The following LRP2 variants were observed in gnomAD, a reference collection of about 807,000 sequenced individuals.
The protein encoded by LRP2 is low-density lipoprotein receptor-related protein 2.
A neutral mutation model predicts 531.0 loss-of-function variants in LRP2; 172 were observed. That is an observed-to-expected ratio of 0.32 (90% CI 0.29 to 0.37). LRP2 has a LOEUF of 0.37. LRP2 is among the 10% of genes least tolerant of loss of function. The pLI is 1.00. For synonymous variants in LRP2, 1,992 were observed against 2,027.6 expected (o/e 0.98, Z 0.47); for missense variants, 5,167 against 5,868.3 (o/e 0.88, Z 3.90).
At chr2:169,203,191 A>C (rs1359063875) in intron 42 of LRP2, among the ~76,000 whole-genome samples, 1 of 152,244 alleles carries the variant, frequency 6.6e-6, no homozygotes, top group African/African-American at 2.4e-5. Context: ...GGAAATATCA[A>C]CGACTCTTCT....
At chr2:169,225,512 C>T in intron 32 of LRP2, 59 bp from the exon 33 acceptor site, 5 of 1,595,106 alleles carry the variant, frequency 3.1e-6, no homozygotes, top group African/African-American at 2.7e-5. Flanking sequence ...TACAAAAGAA[C>T]CCTTTCTTCA....
chr2:169,335,944 G>A (rs1389130454), intron 1 of LRP2, among the ~76,000 whole-genome samples: 2 of 151,624 alleles, frequency 1.3e-5, no homozygotes, highest in African/African-American at 4.8e-5. Context: ...GAACCCAGGA[G>A]GCAGAAGTTG....
chr2:169,222,301 T>C (rs1689047979), intron 33 of LRP2, among the ~76,000 whole-genome samples: 1 of 152,198 alleles, frequency 6.6e-6, no homozygotes, highest in South Asian at 2.1e-4. Flanking sequence ...CTCAGTGTTA[T>C]GAAGTACTTT....
intron 38 of LRP2, among the ~76,000 whole-genome samples, chr2:169,208,748 C>CAT (rs1559017515): frequency 7.9e-5 from 12 of 151,986 alleles, no homozygotes; most frequent in Non-Finnish European, 1.5e-4. Flanking sequence ...TGAGCCACTG[C>CAT]GCCCTGCCTA....
rs1375396976 is a variant in LRP2, at chr2:169,328,210, G to C, written c.80-7326C>G. ...AGGTGGGGGGGTCAGCGCCCCGCCC[G>C]GCCAGCCGCCCCGTCCGGGAGGGAG... On this transcript the variant is annotated intron_variant, in intron 1 of 78. Transcript: ENST00000649046. Among the ~76,000 whole-genome samples, 23 of 123,118 alleles carry C rather than the reference G, an allele frequency of 1.9e-4. No individual in the cohort carries two copies. In the South Asian group the frequency reaches 3.0e-3, roughly 16 times the overall value. 80.8% of individuals were successfully genotyped at this position (123,118 alleles called of 152,430 possible).
At chr2:169,201,530 T>G (rs1188086453) in intron 44 of LRP2, 98 bp downstream of exon 44, 1 of 1,541,188 alleles carries the variant, frequency 6.5e-7, no homozygotes, top group African/African-American at 1.4e-5. Context: ...ACTTAGGGTT[T>G]TTATTTTTGG....
intron 63 of LRP2, among the ~76,000 whole-genome samples, chr2:169,161,942 G>A (rs551962691): frequency 3.9e-5 from 6 of 152,254 alleles, no homozygotes; most frequent in Admixed American, 1.3e-4. Context: ...TGTGCACAAC[G>A]TGCAGGTTTG....
chr2:169,163,730 AAAC>A (rs1279103714), intron 62 of LRP2, among the ~76,000 whole-genome samples: 4 of 152,144 alleles, frequency 2.6e-5, no homozygotes, highest in Non-Finnish European at 5.9e-5. Context: ...AAAAAACAAA[AAAC>A]AACTCCTGGG....
chr2:169,200,715 A>C (rs1479208697), intron 44 of LRP2, among the ~76,000 whole-genome samples: 1 of 152,230 alleles, frequency 6.6e-6, no homozygotes, highest in African/African-American at 2.4e-5. Flanking sequence ...TCTAATTACC[A>C]ACAAAAGCTG....
chr2:169,202,526 A>G (rs1688236891), intron 43 of LRP2, among the ~76,000 whole-genome samples: 1 of 152,204 alleles, frequency 6.6e-6, no homozygotes. Flanking sequence ...TCCCAGGTCT[A>G]TACAGATTAC....
chr2:169,163,815 C>T (rs1324101136), intron 62 of LRP2, among the ~76,000 whole-genome samples: 2 of 152,166 alleles, frequency 1.3e-5, no homozygotes, highest in Non-Finnish European at 2.9e-5. Flanking sequence ...GCATATTTCC[C>T]TTTCCCTCTT....
Position 169,247,283 on chromosome 2 carries a change from C to G in LRP2, c.2908+95G>C, listed in dbSNP as rs1467466740. On this transcript the variant is annotated intron_variant, in intron 20 of 78. Coordinates refer to ENST00000649046, the MANE Select transcript of LRP2 (RefSeq NM_004525.3). ...AATATAAAACTACCAGGAGCTAGAC[C>G]TTTAAGTAATAAGTACTTAAAGAGA... is the stretch of plus-strand genomic sequence containing the variant. The G allele has an allele frequency of 5.2e-6, 7 of 1,337,050 alleles. No homozygotes were observed. The Admixed American group carries it at 1.4e-4, about 26-fold the overall frequency. The allele number at this position is 1,337,050 out of a possible 1,614,324, so 82.8% of individuals were successfully genotyped here.
chr2:169,337,302 G>A (rs1685433064), intron 1 of LRP2, among the ~76,000 whole-genome samples: 2 of 152,158 alleles, frequency 1.3e-5, no homozygotes, highest in African/African-American at 2.4e-5. Context: ...CTTCCTCACT[G>A]GCTTGATGGA....
chr2:169,151,988 G>A (rs115382013), intron 67 of LRP2, among the ~76,000 whole-genome samples: 1 of 152,306 alleles, frequency 6.6e-6, no homozygotes, highest in Non-Finnish European at 1.5e-5. Context: ...TTCTCCAGGA[G>A]AGTAGTGTCT....
At chr2:169,348,310 T>G (rs757581236) in intron 1 of LRP2, among the ~76,000 whole-genome samples, 1 of 152,170 alleles carries the variant, frequency 6.6e-6, no homozygotes, top group African/African-American at 2.4e-5. Context: ...CTCAAAAGAA[T>G]GGGGACTGAG....
At position 169,173,926 on chromosome 2, in the gene LRP2, T is replaced by C; in HGVS notation, c.11007A>G (p.Glu3669=). ...CCTCCCACAGGAACTTACTGCATTC[T>C]TCAATGGGCTCATCCGAGTGGTCTC... ...DCGDHSDEPI[E]ECMSSAHLCD... The change falls in exon 56 of 79, where the codon GAA becomes GAG. Residue 3669 remains glutamate, a synonymous_variant. Coordinates refer to ENST00000649046, the MANE Select transcript of LRP2 (RefSeq NM_004525.3). The C allele has an allele frequency of 1.9e-6, 3 of 1,614,176 alleles. No homozygotes were observed. Among genetic ancestry groups the C allele is most frequent in the South Asian group, 1.1e-5 (1 of 91,078 alleles).
At chr2:169,327,125 G>C (rs1218436352) in intron 1 of LRP2, among the ~76,000 whole-genome samples, 1 of 144,242 alleles carries the variant, frequency 6.9e-6, no homozygotes, top group African/African-American at 2.5e-5. Context: ...CCCCATCCGG[G>C]AGGGAGGTGG....
intron 60 of LRP2, 117 bp downstream of exon 60, chr2:169,169,585 T>C: frequency 3.7e-6 from 3 of 813,760 alleles, no homozygotes; most frequent in Middle Eastern, 2.3e-4. Flanking sequence ...TATCAGTGCA[T>C]GCTGAACAGA....
At chr2:169,238,421 G>GT (rs1689684398) in intron 26 of LRP2, 119 bp from the exon 27 acceptor site, 2 of 736,410 alleles carry the variant, frequency 2.7e-6, no homozygotes, top group African/African-American at 1.8e-5. Context: ...CCAAACTATA[G>GT]TAAGTTGGTG....
Sources: gnomAD v4.1 joint callset for allele counts (sites outside exome capture counted in the v4.1 genomes callset) on GRCh38, gnomAD v4.1.1 for gene constraint, MANE v1.5 for transcripts, NCBI Gene and HGNC (gene_info 2026-07-23, HGNC 2026-07-21) for gene names.